Variants in ZNF385B observed in about 807,000 individuals in gnomAD.
The protein encoded by ZNF385B is zinc finger protein 385B.
Under a neutral mutation model 39.2 loss-of-function variants are expected in ZNF385B, and 23 were observed. The observed-to-expected ratio is 0.59, with a 90% CI of 0.42 to 0.83. ZNF385B has a LOEUF of 0.83. Among genes scored for constraint, ZNF385B ranks in the 40% least tolerant of loss-of-function variants. The pLI is 0.00. For synonymous variants in ZNF385B, 205 were observed against 222.6 expected (o/e 0.92, Z 0.70); for missense variants, 552 against 598.9 (o/e 0.92, Z 0.82).
chr2:179,504,513 T>A (rs2057070184), intron 5 of ZNF385B, among the ~76,000 whole-genome samples: 1 of 152,042 alleles, frequency 6.6e-6, no homozygotes, highest in Non-Finnish European at 1.5e-5. Context: ...AGTGTTCCTA[T>A]TTCTCCACAT....
At chr2:179,469,722 C>G (rs147006172) in intron 6 of ZNF385B, among the ~76,000 whole-genome samples, 110 of 152,178 alleles carry the variant, frequency 7.2e-4, no homozygotes, top group African/African-American at 2.4e-3. Context: ...GATGCTTGAC[C>G]GAACTTGGGT....
intron 1 of ZNF385B, among the ~76,000 whole-genome samples, chr2:179,860,207 A>G (rs1429166865): frequency 6.6e-6 from 1 of 152,154 alleles, no homozygotes; most frequent in Admixed American, 6.5e-5. Context: ...ATGAAAGAAG[A>G]CGTTTCCCAA....
chr2:179,505,435 T>C lies in ZNF385B; in HGVS notation c.552+13093A>G, dbSNP rs185944101. On this transcript the variant is annotated intron_variant, in intron 5 of 9. Coordinates refer to ENST00000410066, the MANE Select transcript of ZNF385B (RefSeq NM_152520.6). ...CCTTTAGTGAATCTAGCCTTTTCCA[T>C]TCCTCTCAAATGATATAAGAAAGGG... 1.2e-3 allele frequency among the ~76,000 whole-genome samples: 183 copies of C among 152,190 alleles called. 1 individual carries two copies. The highest frequency in any genetic ancestry group is 4.2e-3 in the African/African-American group (173 of 41,480).
At chr2:179,605,467 G>C (rs1212377763) in intron 3 of ZNF385B, among the ~76,000 whole-genome samples, 1 of 152,096 alleles carries the variant, frequency 6.6e-6, no homozygotes, top group African/African-American at 2.4e-5. Flanking sequence ...TGAGTTTGGA[G>C]TGTATTTATG....
intron 4 of ZNF385B, among the ~76,000 whole-genome samples, chr2:179,536,921 G>T (rs1174583950): frequency 6.6e-6 from 1 of 152,184 alleles, no homozygotes; most frequent in Non-Finnish European, 1.5e-5. Context: ...AGAGAAGAGG[G>T]AGATTTGAAA....
intron 5 of ZNF385B, among the ~76,000 whole-genome samples, chr2:179,493,807 A>G (rs1407786934): frequency 1.8e-4 from 17 of 93,424 alleles, no homozygotes; most frequent in East Asian, 3.8e-4. Flanking sequence ...ATATGTATAT[A>G]TACATATATA....
chr2:179,773,508 G>T (rs570554857), intron 1 of ZNF385B, among the ~76,000 whole-genome samples: 1 of 152,062 alleles, frequency 6.6e-6, no homozygotes, highest in Non-Finnish European at 1.5e-5. Flanking sequence ...ATGCTCCCTC[G>T]CTCGAGTCTC....
chr2:179,610,822 C>A (rs547169984), intron 3 of ZNF385B, among the ~76,000 whole-genome samples: 197 of 151,978 alleles, frequency 1.3e-3, no homozygotes, highest in African/African-American at 4.6e-3. Flanking sequence ...AGATTATTTT[C>A]TTGATTTCAT....
intron 1 of ZNF385B, among the ~76,000 whole-genome samples, chr2:179,798,463 G>A (rs913237517): frequency 6.6e-6 from 1 of 152,106 alleles, no homozygotes; most frequent in African/African-American, 2.4e-5. Flanking sequence ...TACTGATACT[G>A]TAATTCAAAT....
intron 1 of ZNF385B, among the ~76,000 whole-genome samples, chr2:179,787,258 C>A (rs2106533124): frequency 6.6e-6 from 1 of 151,666 alleles, no homozygotes; most frequent in East Asian, 1.9e-4. Context: ...TCAAATCTAC[C>A]CACCTTTTCA....
chr2:179,504,586 G>C (rs2057078250), intron 5 of ZNF385B, among the ~76,000 whole-genome samples: 1 of 151,474 alleles, frequency 6.6e-6, no homozygotes, highest in Non-Finnish European at 1.5e-5. Context: ...GTGTGAGATG[G>C]TATCTCATAG....
intron 1 of ZNF385B, among the ~76,000 whole-genome samples, chr2:179,808,247 T>C (rs1706515215): frequency 6.6e-6 from 1 of 152,160 alleles, no homozygotes; most frequent in Non-Finnish European, 1.5e-5. Flanking sequence ...TTAGCCAGGA[T>C]GGTCTCGATC....
chr2:179,643,110 A>C (rs1692411859), intron 3 of ZNF385B, among the ~76,000 whole-genome samples: 1 of 124,892 alleles, frequency 8.0e-6, no homozygotes, highest in Admixed American at 9.1e-5. Context: ...TGAATCTATC[A>C]CTTCAAGGGA....
At chr2:179,805,874 C>G (rs974231249) in intron 1 of ZNF385B, among the ~76,000 whole-genome samples, 1 of 152,128 alleles carries the variant, frequency 6.6e-6, no homozygotes, top group Non-Finnish European at 1.5e-5. Context: ...ATAAATAGTG[C>G]TTGGACAATT....
At chr2:179,506,697 T>C (rs1331728067) in intron 5 of ZNF385B, among the ~76,000 whole-genome samples, 1 of 152,156 alleles carries the variant, frequency 6.6e-6, no homozygotes. Flanking sequence ...GGCATAGTAC[T>C]GTATTCAAAC....
chr2:179,446,481 GT>G, intron 7 of ZNF385B, 43 bp downstream of exon 7: 1 of 1,569,952 alleles, frequency 6.4e-7, no homozygotes, highest in South Asian at 1.2e-5. Context: ...GAAAAGTTGG[GT>G]TTTGTTATAA....
chr2:179,692,850 G>C lies in ZNF385B; in HGVS notation c.298+76653C>G, dbSNP rs114500341. Among the ~76,000 whole-genome samples, 1,268 of 152,236 alleles carry C rather than the reference G, an allele frequency of 8.3e-3. 21 individuals are homozygous for C. Among genetic ancestry groups the C allele is most frequent in the African/African-American group, 0.028 (1,174 of 41,554 alleles). The stretch of plus-strand genomic sequence containing the variant: ...CTGGAGCTTCCTCCTTGCCCCTTCT[G>C]TTCACAGGAGCAAGTACTTGCCTCC... On this transcript the variant is annotated intron_variant, in intron 3 of 9. Transcript: ENST00000410066.
chr2:179,745,618 AT>A, intron 3 of ZNF385B: 1 of 1,111,932 alleles, frequency 9.0e-7, no homozygotes, highest in Non-Finnish European at 1.2e-6. Flanking sequence ...GATAAACACA[AT>A]TGAGGACTCC....
At chr2:179,712,243 A>G (rs1195328211) in intron 3 of ZNF385B, among the ~76,000 whole-genome samples, 2 of 152,106 alleles carry the variant, frequency 1.3e-5, no homozygotes, top group Admixed American at 6.5e-5. Context: ...CCAATCCCCA[A>G]TCTTCAAAAT....
Sources: allele counts gnomAD v4.1 joint callset (sites outside exome capture counted in the v4.1 genomes callset), GRCh38; gene constraint gnomAD v4.1.1; transcripts MANE v1.5; gene names NCBI Gene and HGNC (gene_info 2026-07-23, HGNC 2026-07-21).